The following PRICKLE1 variants were observed in gnomAD, a reference collection of about 807,000 sequenced individuals.
PRICKLE1 encodes prickle planar cell polarity protein 1.
A neutral mutation model predicts 70.2 loss-of-function variants in PRICKLE1; 14 were observed. The observed-to-expected ratio is 0.20, with a 90% confidence interval of 0.13 to 0.31. The LOEUF is 0.31. Among genes scored for constraint, PRICKLE1 ranks in the 10% least tolerant of loss-of-function variants. PRICKLE1 has a pLI of 1.00. For synonymous variants in PRICKLE1, 357 were observed against 379.9 expected, an observed-to-expected ratio of 0.94 and a Z score of 0.70; for missense variants, 821 against 1,026.2, an observed-to-expected ratio of 0.80 and a Z score of 2.73.
intron 1 of PRICKLE1, among the ~76,000 whole-genome samples, chr12:42,569,422 A>G (rs1307266449): frequency 1.3e-5 from 2 of 152,240 alleles, no homozygotes; most frequent in Non-Finnish European, 2.9e-5. Flanking sequence ...AGGAAATGTC[A>G]TTTCAAGTTT....
chr12:42,553,767 C>A (rs1940366841), intron 1 of PRICKLE1, among the ~76,000 whole-genome samples: 1 of 152,122 alleles, frequency 6.6e-6, no homozygotes, highest in Non-Finnish European at 1.5e-5. Context: ...AGGTGACCTG[C>A]AGCAAATCAC....
rs978435983 is a variant in PRICKLE1, at chr12:42,518,109, T to C, written c.-48-45545A>G. 5.8e-4 allele frequency among the ~76,000 whole-genome samples: 88 copies of C among 152,164 alleles called. 1 individual carries two copies. Among genetic ancestry groups the C allele is most frequent in the Admixed American group, 1.3e-3 (20 of 15,266 alleles). ...AGATCAGAAGTTTCTGAGGATTTTTTTTTTTTTTGAAACAGGTCTTACTCT... is the reference window on the plus strand; with the variant it reads ...AGATCAGAAGTTTCTGAGGATTTTTCTTTTTTTTGAAACAGGTCTTACTCT... On this transcript the variant is annotated intron_variant, in intron 1 of 7. Transcript: ENST00000345127.
At chr12:42,534,156 A>C (rs1356768794) in intron 1 of PRICKLE1, among the ~76,000 whole-genome samples, 1 of 152,202 alleles carries the variant, frequency 6.6e-6, no homozygotes, top group Non-Finnish European at 1.5e-5. Context: ...GCAATAAAGG[A>C]AAAGATGAAG....
At chr12:42,476,666 T>C (rs1009864613) in intron 1 of PRICKLE1, among the ~76,000 whole-genome samples, 1 of 151,678 alleles carries the variant, frequency 6.6e-6, no homozygotes, top group African/African-American at 2.4e-5. Flanking sequence ...TAGATTTTTC[T>C]TTTTCCTATT....
intron 4 of PRICKLE1, among the ~76,000 whole-genome samples, 162 bp from the exon 5 acceptor site, chr12:42,468,991 C>A (rs1191649485): frequency 1.3e-5 from 2 of 152,162 alleles, no homozygotes; most frequent in East Asian, 3.8e-4. Flanking sequence ...ACTGGTGATT[C>A]TCCACTGTAA....
At chr12:42,575,656 T>C (rs955395923) in intron 1 of PRICKLE1, among the ~76,000 whole-genome samples, 1 of 151,768 alleles carries the variant, frequency 6.6e-6, no homozygotes, top group African/African-American at 2.4e-5. Context: ...ATAGTGCCAT[T>C]GTACTCCAGC....
At chr12:42,582,272 AG>A (rs1277699194) in intron 1 of PRICKLE1, among the ~76,000 whole-genome samples, 3 of 152,206 alleles carry the variant, frequency 2.0e-5, no homozygotes, top group African/African-American at 7.2e-5. Context: ...GAACTAGGTG[AG>A]GGGGGCAAGT....
In PRICKLE1 at chr12:42,485,854, A is replaced by C. The variant is rs111892394; in HGVS notation, c.-48-13290T>G. On this transcript the variant is annotated intron_variant, in intron 1 of 7. Transcript: ENST00000345127. The stretch of plus-strand genomic sequence containing the variant: ...TGTAAATACGTTTTGTTATATTTTC[A>C]ACAGGTACTGTCATGGTTTATTACC... Among the ~76,000 whole-genome samples, 846 of 152,332 alleles carry C rather than the reference A, an allele frequency of 5.6e-3. 8 individuals are homozygous for C. Among genetic ancestry groups the C allele is most frequent in the African/African-American group, 0.02 (819 of 41,572 alleles).
intron 1 of PRICKLE1, among the ~76,000 whole-genome samples, chr12:42,583,396 T>G (rs1172025558): frequency 6.6e-6 from 1 of 152,192 alleles, no homozygotes; most frequent in Non-Finnish European, 1.5e-5. Flanking sequence ...CAAGAAGGTT[T>G]GCTTAACTGA....
chr12:42,521,971 T>TGTGTG (rs1939717211), intron 1 of PRICKLE1, among the ~76,000 whole-genome samples: 3 of 136,156 alleles, frequency 2.2e-5, no homozygotes, highest in African/African-American at 9.3e-5. Flanking sequence ...TGTGTGTGTG[T>TGTGTG]TTAACTTCTT....
At chr12:42,546,844 T>G (rs1291844518) in intron 1 of PRICKLE1, among the ~76,000 whole-genome samples, 2 of 152,258 alleles carry the variant, frequency 1.3e-5, no homozygotes, top group African/African-American at 4.8e-5. Flanking sequence ...CTGGCTGAAT[T>G]ATGCAGTTTT....
chr12:42,468,314 T>C (rs1213696631), intron 5 of PRICKLE1, among the ~76,000 whole-genome samples: 13 of 152,244 alleles, frequency 8.5e-5, no homozygotes, highest in Admixed American at 8.5e-4. Flanking sequence ...CTACATGCTC[T>C]TCTGCAGCTT....
intron 1 of PRICKLE1, among the ~76,000 whole-genome samples, chr12:42,501,554 TC>T (rs1293293146): frequency 1.3e-5 from 2 of 148,958 alleles, no homozygotes; most frequent in Non-Finnish European, 3.0e-5. Flanking sequence ...GAGAGCAAAT[TC>T]CTATACAAGC....
rs374859977 is a variant in PRICKLE1 at position 42,476,447 on chromosome 12, G to T, written c.-48-3883C>A. Among the ~76,000 whole-genome samples the T allele has an allele frequency of 5.3e-5, 8 of 151,962 alleles. No homozygotes were observed. The South Asian group carries it at 1.5e-3, about 28-fold the overall frequency. ...TCTGCCCACTTCGGCCTCTCAAAGTGCTGGGATTACAGGCGTGAGCCACTG... is the reference window on the plus strand; with the variant it reads ...TCTGCCCACTTCGGCCTCTCAAAGTTCTGGGATTACAGGCGTGAGCCACTG... On this transcript the variant is annotated intron_variant, in intron 1 of 7. Coordinates refer to ENST00000345127, the MANE Select transcript of PRICKLE1 (RefSeq NM_153026.3).
intron 1 of PRICKLE1, among the ~76,000 whole-genome samples, chr12:42,534,275 G>C (rs144183704): frequency 6.6e-6 from 1 of 152,034 alleles, no homozygotes; most frequent in African/African-American, 2.4e-5. Context: ...ATGAGAGCCC[G>C]CCAGGAAGAA....
intron 1 of PRICKLE1, among the ~76,000 whole-genome samples, chr12:42,545,363 T>C (rs1261427834): frequency 6.6e-6 from 1 of 152,196 alleles, no homozygotes; most frequent in Admixed American, 6.5e-5. Flanking sequence ...AAAAACTTGT[T>C]GAATGTCATT....
chr12:42,551,554 T>A (rs1940318092), intron 1 of PRICKLE1, among the ~76,000 whole-genome samples: 1 of 152,182 alleles, frequency 6.6e-6, no homozygotes, highest in African/African-American at 2.4e-5. Flanking sequence ...CCCCACTGAA[T>A]GGCTGTAAAT....
In PRICKLE1 at chr12:42,457,388, AAC is replaced by A. The variant is rs1000563546; in HGVS notation, c.*2419_*2420del. On this transcript the variant is annotated 3_prime_UTR_variant, in exon 8 of 8. Coordinates refer to ENST00000345127, the MANE Select transcript of PRICKLE1 (RefSeq NM_153026.3). ...CCATCCTTTATAAGCAACATATTGCAACAGTCTTTTCTAAAAGGATGCCCACT... is the reference window on the plus strand; with the variant it reads ...CCATCCTTTATAAGCAACATATTGCAAGTCTTTTCTAAAAGGATGCCCACT... The A allele has an allele frequency of 3.9e-5, 6 of 152,234 alleles. No homozygotes were observed. The highest frequency in any genetic ancestry group is 1.2e-4 in the African/African-American group (5 of 41,454). 9.4% of individuals were successfully genotyped at this position (152,234 alleles called of 1,614,324 possible).
In PRICKLE1 at chr12:42,464,227, C is replaced by G. The variant is rs2600924; in HGVS notation, c.1639+168G>C. 0.97 allele frequency among the ~76,000 whole-genome samples: 148,091 copies of G among 152,202 alleles called. 72,181 individuals are homozygous for G. Among genetic ancestry groups the G allele is most frequent in the Middle Eastern group, 1 (294 of 294 alleles). On this transcript the variant is annotated intron_variant, in intron 7 of 7. Coordinates refer to ENST00000345127, the MANE Select transcript of PRICKLE1 (RefSeq NM_153026.3). This position sits in a 1 kb window ranked among gnomAD's most constrained non-coding sequence, Gnocchi z 4.2. ...GTAGAGCCGCGGTTTCGCCATGTTG[C>G]CTGGGCTGGTCTCGAACTCCTGACC... is the stretch of plus-strand genomic sequence containing the variant.
Sources: allele counts gnomAD v4.1 joint callset (sites outside exome capture counted in the v4.1 genomes callset), GRCh38; gene constraint gnomAD v4.1.1; non-coding constraint Gnocchi (gnomAD v3.1); transcripts MANE v1.5; gene names NCBI Gene and HGNC (gene_info 2026-07-23, HGNC 2026-07-21).